The following RGS6 variants were observed in gnomAD, a reference collection of about 807,000 sequenced individuals.
The protein encoded by RGS6 is regulator of G-protein signaling 6.
RGS6 carries 30 observed loss-of-function variants against 78.5 expected under a neutral mutation model. That is an observed-to-expected ratio of 0.38 (90% CI 0.29 to 0.52). The LOEUF (loss-of-function observed/expected upper bound fraction) is 0.52, where lower values mean the gene tolerates loss of function less well. RGS6 is among the 20% of genes least tolerant of loss of function. RGS6 has a pLI of 0.85. For missense variants in RGS6, 495 were observed against 609.7 expected (o/e 0.81, Z 1.98); for synonymous variants, 206 against 206.0 (o/e 1.00, Z 0.00).
chr14:72,273,915 G>A (rs1391295335), intron 2 of RGS6, among the ~76,000 whole-genome samples: 4 of 152,218 alleles, frequency 2.6e-5, no homozygotes, highest in South Asian at 2.1e-4. Context: ...GCATGCAAAT[G>A]TGCCTAGCTG....
intron 2 of RGS6, among the ~76,000 whole-genome samples, chr14:72,161,951 C>A (rs1415309698): frequency 6.6e-6 from 1 of 152,230 alleles, no homozygotes. Context: ...GACTTCAAAT[C>A]ATTTCATCTC....
chr14:72,607,845 A>G, the RGS6 span, among the ~76,000 whole-genome samples: 3 of 152,218 alleles, frequency 2.0e-5, no homozygotes, highest in Non-Finnish European at 4.4e-5. Context: ...AACCTGCTCA[A>G]TGACCCATGT....
At chr14:71,948,069 G>C (rs529949385) in intron 1 of RGS6, among the ~76,000 whole-genome samples, 10 of 152,104 alleles carry the variant, frequency 6.6e-5, no homozygotes, top group Admixed American at 5.2e-4. Context: ...GAGAATTCAG[G>C]CTTAGCTGGA....
intron 17 of RGS6, among the ~76,000 whole-genome samples, chr14:72,557,058 C>T (rs55889235): frequency 0.027 from 4,057 of 152,310 alleles, 173 homozygotes; most frequent in African/African-American, 0.087. Flanking sequence ...CTCCTCACTG[C>T]GGAAGGGTGA....
At chr14:72,306,232 G>A (rs745577052) in intron 2 of RGS6, among the ~76,000 whole-genome samples, 2 of 152,168 alleles carry the variant, frequency 1.3e-5, no homozygotes, top group African/African-American at 4.8e-5. Context: ...GAGACCTACT[G>A]CTCAAAAACA....
intron 17 of RGS6, 80 bp from the exon 18 acceptor site, chr14:72,562,337 T>C (rs982860692): frequency 7.0e-7 from 1 of 1,433,818 alleles, no homozygotes; most frequent in African/African-American, 1.4e-5. Context: ...ATGCAACAAT[T>C]AATTCACCTG....
At chr14:72,433,462 G>A (rs920041837) in intron 3 of RGS6, among the ~76,000 whole-genome samples, 4 of 151,608 alleles carry the variant, frequency 2.6e-5, no homozygotes, top group Non-Finnish European at 5.9e-5. Context: ...TAACGAAACT[G>A]CACATCCTGC....
chr14:71,893,202 G>T, the RGS6 span, among the ~76,000 whole-genome samples: 3 of 152,356 alleles, frequency 2.0e-5, no homozygotes, highest in African/African-American at 7.2e-5. Context: ...TACAACTAGA[G>T]GGACTTCAGG....
At chr14:72,212,890 C>T (rs900130538) in intron 2 of RGS6, among the ~76,000 whole-genome samples, 2 of 152,178 alleles carry the variant, frequency 1.3e-5, no homozygotes, top group African/African-American at 4.8e-5. Context: ...GACTCTTTTA[C>T]GTCACTTTCT....
chr14:71,921,111 A>G, the RGS6 span, among the ~76,000 whole-genome samples: 5 of 152,238 alleles, frequency 3.3e-5, no homozygotes, highest in African/African-American at 1.2e-4. Context: ...AATGCTCAAC[A>G]TCACTAATCA....
intron 17 of RGS6, among the ~76,000 whole-genome samples, chr14:72,545,896 T>C (rs1266276715): frequency 7.0e-6 from 1 of 143,678 alleles, no homozygotes; most frequent in Non-Finnish European, 1.5e-5. Flanking sequence ...ACCCTTCCGG[T>C]CTGGATGCCC....
At chr14:72,353,327 A>C (rs1162078366) in intron 3 of RGS6, among the ~76,000 whole-genome samples, 1 of 152,210 alleles carries the variant, frequency 6.6e-6, no homozygotes, top group African/African-American at 2.4e-5. Flanking sequence ...AAACAACCCA[A>C]ATGTCCTTCA....
At chr14:72,621,967 G>A in the RGS6 span, among the ~76,000 whole-genome samples, 1 of 152,190 alleles carries the variant, frequency 6.6e-6, no homozygotes, top group South Asian at 2.1e-4. Flanking sequence ...GGAGGCTGTT[G>A]AAGAGAGCAG....
intron 2 of RGS6, among the ~76,000 whole-genome samples, chr14:72,030,253 G>A (rs994176319): frequency 3.9e-5 from 6 of 152,138 alleles, no homozygotes; most frequent in African/African-American, 1.4e-4. Context: ...ACTGCACACA[G>A]TGGTAGATGT....
At chr14:72,524,872 G>T (rs923378104) in intron 15 of RGS6, among the ~76,000 whole-genome samples, 2 of 152,180 alleles carry the variant, frequency 1.3e-5, no homozygotes, top group Admixed American at 6.5e-5. Context: ...AATAGGACAA[G>T]CCAGTCCAGC....
At chr14:72,067,481 T>A (rs2094205889) in intron 2 of RGS6, among the ~76,000 whole-genome samples, 2 of 152,084 alleles carry the variant, frequency 1.3e-5, no homozygotes, top group African/African-American at 4.8e-5. Context: ...AAGTAAAATT[T>A]AAAAAAAGAT....
chr14:72,033,290 G>A (rs940763694), intron 2 of RGS6, among the ~76,000 whole-genome samples: 4 of 152,180 alleles, frequency 2.6e-5, no homozygotes, highest in Non-Finnish European at 5.9e-5. Context: ...CTGGAATGCA[G>A]TGGTGTGATC....
At chr14:72,228,285 G>A (rs1034311291) in intron 2 of RGS6, among the ~76,000 whole-genome samples, 4 of 152,128 alleles carry the variant, frequency 2.6e-5, no homozygotes, top group African/African-American at 9.7e-5. Context: ...GGAGGCTGAG[G>A]CAGGAGAATT....
chr14:72,566,685 G>T (rs2097713037), downstream of RGS6, among the ~76,000 whole-genome samples: 1 of 118,688 alleles, frequency 8.4e-6, no homozygotes, highest in African/African-American at 3.6e-5. Flanking sequence ...ACACACACCT[G>T]TTTCCTTCTC....
Sources: gnomAD v4.1 joint callset for allele counts (sites outside exome capture counted in the v4.1 genomes callset) on GRCh38, gnomAD v4.1.1 for gene constraint, MANE v1.5 for transcripts, NCBI Gene and HGNC (gene_info 2026-07-23, HGNC 2026-07-21) for gene names.